LYPD6: variants seen among roughly 807,000 people sequenced by gnomAD.
The protein encoded by LYPD6 is LY6/PLAUR domain containing 6.
In LYPD6, 15 loss-of-function variants were observed where a neutral mutation model predicts 22.7. That is an observed-to-expected ratio of 0.66 (90% CI 0.44 to 1.02). LYPD6 has a LOEUF of 1.02. LYPD6 is among the 50% of genes least tolerant of loss of function. LYPD6 has a pLI of 0.00. For synonymous variants in LYPD6, 72 were observed against 77.5 expected (o/e 0.93, Z 0.37); for missense variants, 189 against 208.4 (o/e 0.91, Z 0.57).
At chr2:149,407,952 G>A (rs200792389) in intron 1 of LYPD6, among the ~76,000 whole-genome samples, 2 of 151,836 alleles carry the variant, frequency 1.3e-5, no homozygotes, top group Admixed American at 6.6e-5. Context: ...CCTTCTAACA[G>A]ACAGGACCTT....
Position 149,458,781 on chromosome 2 carries a change from A to T in LYPD6, c.217+9634A>T, listed in dbSNP as rs529238815. On this transcript the variant is annotated intron_variant, in intron 3 of 4. Transcript: ENST00000334166. ...AAATTGTACAATTGTAACATAATGT[A>T]CCTGAAATAAAAATCTCAATAGATG... Among the ~76,000 whole-genome samples the T allele has an allele frequency of 3.9e-5, 6 of 152,254 alleles. No individual in the cohort carries two copies. The South Asian group carries it at 1.0e-3, about 26-fold the overall frequency.
intron 2 of LYPD6, among the ~76,000 whole-genome samples, chr2:149,439,664 G>A (rs1323823092): frequency 6.6e-6 from 1 of 152,198 alleles, no homozygotes; most frequent in African/African-American, 2.4e-5. Flanking sequence ...GTGGGTCAGT[G>A]CCCTGTGTGT....
intron 1 of LYPD6, among the ~76,000 whole-genome samples, chr2:149,382,156 A>C (rs1449842516): frequency 1.3e-5 from 2 of 152,174 alleles, no homozygotes; most frequent in South Asian, 4.1e-4. Flanking sequence ...TGTTAATGGA[A>C]GTTTTGGTTG....
chr2:149,414,150 G>T (rs1682912947), intron 1 of LYPD6, among the ~76,000 whole-genome samples: 1 of 152,182 alleles, frequency 6.6e-6, no homozygotes, highest in African/African-American at 2.4e-5. Context: ...TAAAGAACTT[G>T]TACCTTTTTT....
intron 1 of LYPD6, among the ~76,000 whole-genome samples, chr2:149,361,650 G>A (rs566986322): frequency 2.6e-5 from 4 of 152,140 alleles, no homozygotes; most frequent in Non-Finnish European, 5.9e-5. Flanking sequence ...TTTTGAATAT[G>A]TCTGTTTTAT....
chr2:149,404,123 T>C (rs976264481), intron 1 of LYPD6, among the ~76,000 whole-genome samples: 2 of 152,196 alleles, frequency 1.3e-5, no homozygotes, highest in African/African-American at 4.8e-5. Context: ...CCATGCTGTT[T>C]TGGTTACTGT....
Position 149,470,798 on chromosome 2 carries a change from G to T in LYPD6, c.464G>T (p.Cys155Phe). The change falls in exon 5 of 5, where the codon TGT (cysteine) becomes TTT (phenylalanine). Residue 155 changes from cysteine to phenylalanine, a missense_variant. Transcript: ENST00000334166. ...AATCAGACAAATGGGCACCCACGCT[G>T]TATGTCAGTGATAGTGTCCTGCTTG... ...PINQTNGHPR[C>F]MSVIVSCLWL... 1 of 1,613,682 alleles carries T rather than the reference G, an allele frequency of 6.2e-7. No individual in the cohort carries two copies. The highest frequency in any genetic ancestry group is 8.5e-7 in the Non-Finnish European group (1 of 1,179,788).
intron 3 of LYPD6, among the ~76,000 whole-genome samples, chr2:149,451,935 T>C (rs1175475126): frequency 6.6e-6 from 1 of 152,130 alleles, no homozygotes; most frequent in African/African-American, 2.4e-5. Context: ...AGGACAAAGG[T>C]AAGTGCCAAG....
intron 1 of LYPD6, among the ~76,000 whole-genome samples, chr2:149,361,374 C>A (rs188649107): frequency 1.3e-5 from 2 of 152,174 alleles, no homozygotes; most frequent in African/African-American, 4.8e-5. Context: ...AATTTTCCTA[C>A]AAAAGGGTAA....
chr2:149,391,245 T>C (rs925203913), intron 1 of LYPD6, among the ~76,000 whole-genome samples: 1 of 152,238 alleles, frequency 6.6e-6, no homozygotes, highest in Admixed American at 6.5e-5. Flanking sequence ...ACTCGGCTCT[T>C]ACCTCAAACA....
chr2:149,343,011 A>G (rs1681190465), intron 1 of LYPD6, among the ~76,000 whole-genome samples: 1 of 152,244 alleles, frequency 6.6e-6, no homozygotes. Context: ...AAAGACATGT[A>G]CTGTCTATAA....
chr2:149,465,430 A>G (rs566269507), intron 3 of LYPD6, among the ~76,000 whole-genome samples: 65 of 152,292 alleles, frequency 4.3e-4, no homozygotes, highest in African/African-American at 1.5e-3. Flanking sequence ...ATTTTTCAGT[A>G]TAATTCGTAA....
At chr2:149,406,432 A>G (rs1682710017) in intron 1 of LYPD6, among the ~76,000 whole-genome samples, 2 of 151,402 alleles carry the variant, frequency 1.3e-5, no homozygotes, top group African/African-American at 4.9e-5. Flanking sequence ...TTGGGTGCAT[A>G]TATATTTAGG....
intron 1 of LYPD6, among the ~76,000 whole-genome samples, chr2:149,332,011 T>G (rs1204598024): frequency 6.6e-6 from 1 of 152,220 alleles, no homozygotes; most frequent in Non-Finnish European, 1.5e-5. Context: ...CTAGAAGACA[T>G]TAATGGTTAC....
chr2:149,477,636 A>AAG (rs1681465076), downstream of LYPD6, among the ~76,000 whole-genome samples: 1 of 147,682 alleles, frequency 6.8e-6, no homozygotes, highest in Non-Finnish European at 1.5e-5. Flanking sequence ...AAAAAAAAAA[A>AAG]AAAAAAAAAA....
intron 1 of LYPD6, among the ~76,000 whole-genome samples, chr2:149,389,109 A>G (rs1682251631): frequency 6.6e-6 from 1 of 152,214 alleles, no homozygotes; most frequent in South Asian, 2.1e-4. Flanking sequence ...GGTTAAAAAA[A>G]ACCCCTAAGT....
intron 1 of LYPD6, among the ~76,000 whole-genome samples, chr2:149,398,493 T>C (rs1682477425): frequency 6.6e-6 from 1 of 151,926 alleles, no homozygotes; most frequent in Non-Finnish European, 1.5e-5. Context: ...CTCCTGGCTG[T>C]CCTGAAAGTG....
intron 1 of LYPD6, among the ~76,000 whole-genome samples, chr2:149,435,691 T>C (rs1014682509): frequency 6.6e-6 from 1 of 152,238 alleles, no homozygotes; most frequent in African/African-American, 2.4e-5. Context: ...TTCAACCAAG[T>C]GCCCAGCACA....
intron 1 of LYPD6, among the ~76,000 whole-genome samples, chr2:149,428,047 A>G (rs1471300314): frequency 1.3e-5 from 2 of 152,244 alleles, no homozygotes; most frequent in Non-Finnish European, 2.9e-5. Flanking sequence ...AAGATTGGGT[A>G]TGCATGAATA....
Sources: allele counts gnomAD v4.1 joint callset (sites outside exome capture counted in the v4.1 genomes callset), GRCh38; gene constraint gnomAD v4.1.1; transcripts MANE v1.5; gene names NCBI Gene and HGNC (gene_info 2026-07-23, HGNC 2026-07-21).